The following PSMC6 variants were observed in gnomAD, a reference collection of about 807,000 sequenced individuals.
PSMC6 encodes the protein 26S proteasome regulatory subunit 10B.
Under a neutral mutation model 55.9 loss-of-function variants are expected in PSMC6, and 3 were observed. The ratio of observed to expected loss-of-function variants is 0.05; its 90% CI spans 0.02 to 0.14. The LOEUF (loss-of-function observed/expected upper bound fraction) is 0.14. Among genes scored for constraint, PSMC6 ranks in the 10% least tolerant of loss-of-function variants. The pLI, the probability that PSMC6 is intolerant of heterozygous loss-of-function variation, is 1.00. For missense variants in PSMC6, 210 were observed against 478.7 expected (o/e 0.44, Z 5.24); for synonymous variants, 137 against 155.9 (o/e 0.88, Z 0.90).
rs1555356225 is a variant in PSMC6 at position 52,712,384 on chromosome 14, T to TTAAAAAAA, written c.441+860_441+861insTAAAAAAA. Among the ~76,000 whole-genome samples, 77 of 139,436 alleles carry TTAAAAAAA rather than the reference T, an allele frequency of 5.5e-4. 1 individual carries two copies. Among genetic ancestry groups the TTAAAAAAA allele is most frequent in the Non-Finnish European group, 3.5e-4 (23 of 65,188 alleles). The allele number at this position is 139,436 out of a possible 152,430, so 91.5% of individuals were successfully genotyped here. A position where few individuals can be genotyped will look rare whatever the true frequency, so the allele number is the denominator to read the frequency against. On this transcript the variant is annotated intron_variant, in intron 6 of 13. Transcript: ENST00000445930. ...ACTTGAGGAAGCACTGGTCTAAGTG[T>TTAAAAAAA]AAAAAAAAAAGGCAGTTCTCACCTG...
At chr14:52,712,778 G>A (rs1362405473) in intron 6 of PSMC6, among the ~76,000 whole-genome samples, 1 of 151,948 alleles carries the variant, frequency 6.6e-6, no homozygotes, top group Non-Finnish European at 1.5e-5. Flanking sequence ...CACCACATGT[G>A]ACTAATTTTT....
Position 52,727,621 on chromosome 14 carries a change from A to G in PSMC6, c.*4A>G. 1 of 1,592,604 alleles carries G rather than the reference A, an allele frequency of 6.3e-7. No homozygotes were observed. On this transcript the variant is annotated 3_prime_UTR_variant, in exon 14 of 14. Transcript: ENST00000445930. ...ATTGGACTACAAACCTGTGTAATTT[A>G]CTGTAAGATTTTTGATGGCTGCATG...
intron 7 of PSMC6, among the ~76,000 whole-genome samples, chr14:52,716,981 TGTG>T (rs1347487019): frequency 6.6e-6 from 1 of 152,154 alleles, no homozygotes; most frequent in Non-Finnish European, 1.5e-5. Context: ...TACCAGAAGT[TGTG>T]GTGGTGTATG....
At chr14:52,720,790 C>T in intron 10 of PSMC6, 71 bp from the exon 11 acceptor site, 2 of 1,218,560 alleles carry the variant, frequency 1.6e-6, no homozygotes, top group Non-Finnish European at 2.3e-6. Context: ...TGGCATTAGA[C>T]ATATAAAAGG....
intron 7 of PSMC6, among the ~76,000 whole-genome samples, chr14:52,714,185 C>T (rs527514649): frequency 9.4e-4 from 143 of 152,270 alleles, no homozygotes; most frequent in African/African-American, 3.3e-3. Flanking sequence ...GGACTGCAGG[C>T]GTGCATCACC....
At chr14:52,718,680 G>A in intron 9 of PSMC6, 1 of 406,658 alleles carries the variant, frequency 2.5e-6, no homozygotes, top group Non-Finnish European at 4.5e-6. Context: ...CAGCTACTGA[G>A]GAGGCTGAGG....
rs34123680 is a variant in PSMC6, at chr14:52,720,222, C to CA, written c.778-617dup. Among the ~76,000 whole-genome samples, 288 of 62,284 alleles carry CA rather than the reference C, an allele frequency of 4.6e-3. 1 individual carries two copies. Among genetic ancestry groups the CA allele is most frequent in the South Asian group, 0.013 (19 of 1,514 alleles). The allele number at this position is 62,284 out of a possible 152,430, so 40.9% of individuals were successfully genotyped here. A position where few individuals can be genotyped will look rare whatever the true frequency, so the allele number is the denominator to read the frequency against. Reference sequence around the variant, plus strand: ...GGGTGACAGAGCGAGAGTCTGTCTCCAAAAAAAAAAAAAAAAAAAAAAGCA... The same window carrying CA: ...GGGTGACAGAGCGAGAGTCTGTCTCCAAAAAAAAAAAAAAAAAAAAAAAGCA... On this transcript the variant is annotated intron_variant, in intron 10 of 13. Transcript: ENST00000445930.
At chr14:52,709,233 G>C in intron 4 of PSMC6, 1 of 202,638 alleles carries the variant, frequency 4.9e-6, no homozygotes, top group South Asian at 7.2e-5. Context: ...TTTAGATTAG[G>C]GTAGGGCAAG....
intron 7 of PSMC6, among the ~76,000 whole-genome samples, chr14:52,715,976 A>G (rs1351878074): frequency 6.6e-6 from 1 of 152,204 alleles, no homozygotes; most frequent in Non-Finnish European, 1.5e-5. Context: ...AGTGGTGAGA[A>G]TAACAAAAAT....
rs771473061 is a variant in PSMC6 at position 52,718,104 on chromosome 14, C to A, written c.553C>A (p.Arg185=). Residue 185 remains arginine (R), a synonymous_variant, in exon 8 of 14, where the codon CGA becomes AGA. Transcript: ENST00000445930. ...PPGTGKTLLA[R]AVASQLDCNF... is the part of the protein sequence containing the mutation. ...AGGTACGGGAAAAACACTCTTGGCA[C>A]GAGCCGTTGCTAGCCAGCTGGACTG... 1.1e-5 allele frequency: 18 copies of A among 1,613,254 alleles called. No individual in the cohort carries two copies. The highest frequency in any genetic ancestry group is 6.7e-5 in the Admixed American group (4 of 60,010).
At chr14:52,718,919 A>G in intron 9 of PSMC6, 58 bp from the exon 10 acceptor site, 2 of 1,329,004 alleles carry the variant, frequency 1.5e-6, no homozygotes, top group Non-Finnish European at 2.1e-6. Context: ...TGTTTTCTTA[A>G]ATGATGGTTG....
At chr14:52,718,621 A>G in intron 9 of PSMC6, 2 of 391,676 alleles carry the variant, frequency 5.1e-6, no homozygotes, top group Non-Finnish European at 9.4e-6. Flanking sequence ...CCCTGTCTCT[A>G]CTAAAAATAC....
chr14:52,727,168 G>A (rs1008340415), intron 13 of PSMC6, among the ~76,000 whole-genome samples: 18 of 151,182 alleles, frequency 1.2e-4, no homozygotes, highest in Non-Finnish European at 5.9e-5. Flanking sequence ...CTACAGGCGC[G>A]CGCCACCATG....
intron 13 of PSMC6, among the ~76,000 whole-genome samples, chr14:52,725,591 A>G (rs1242670998): frequency 6.6e-6 from 1 of 152,140 alleles, no homozygotes; most frequent in East Asian, 1.9e-4. Flanking sequence ...GTGCAGTGGC[A>G]TGATCACTGC....
intron 10 of PSMC6, among the ~76,000 whole-genome samples, chr14:52,720,065 A>T (rs2041871851): frequency 6.6e-6 from 1 of 151,948 alleles, no homozygotes; most frequent in Non-Finnish European, 1.5e-5. Flanking sequence ...TCTAGTAAAG[A>T]TACAAAAATT....
At chr14:52,711,271 C>A (rs2041769280) in intron 5 of PSMC6, 103 bp downstream of exon 5, 1 of 1,338,716 alleles carries the variant, frequency 7.5e-7, no homozygotes, top group Non-Finnish European at 1.1e-6. Flanking sequence ...GGCACTTTTT[C>A]CCTTTTACTA....
chr14:52,711,014 GTGTTTGGCTTC>G, intron 4 of PSMC6, 76 bp from the exon 5 acceptor site: 1 of 267,628 alleles, frequency 3.7e-6, no homozygotes. Context: ...GTAAAAATGA[GTGTTTGGCTTC>G]TAAATATTAA....
chr14:52,727,737 A>C lies in PSMC6; in HGVS notation c.*120A>C. Reference sequence around the variant, plus strand: ...TTAAAAGTATATGAATAAAAATATGAGTAACATCATAAAAATTAGTAATTC... The same window carrying C: ...TTAAAAGTATATGAATAAAAATATGCGTAACATCATAAAAATTAGTAATTC... On this transcript the variant is annotated 3_prime_UTR_variant, in exon 14 of 14. Coordinates refer to ENST00000445930, the MANE Select transcript of PSMC6 (RefSeq NM_002806.5). The C allele has an allele frequency of 1.8e-6, 1 of 569,904 alleles. No individual in the cohort carries two copies. The highest frequency in any genetic ancestry group is 3.0e-6 in the Non-Finnish European group (1 of 330,754). 35.3% of individuals were successfully genotyped at this position (569,904 alleles called of 1,614,324 possible). A position where few individuals can be genotyped will look rare whatever the true frequency, so the allele number is the denominator to read the frequency against.
intron 7 of PSMC6, among the ~76,000 whole-genome samples, chr14:52,714,278 G>C (rs1046252977): frequency 6.6e-6 from 1 of 152,114 alleles, no homozygotes; most frequent in Non-Finnish European, 1.5e-5. Flanking sequence ...GGACTCAAGC[G>C]ATCTGCCCAC....
Sources: gnomAD v4.1 joint callset for allele counts (sites outside exome capture counted in the v4.1 genomes callset) on GRCh38, gnomAD v4.1.1 for gene constraint, MANE v1.5 for transcripts, NCBI Gene and HGNC (gene_info 2026-07-23, HGNC 2026-07-21) for gene names.